SH3GL3: variants seen among roughly 807,000 people sequenced by gnomAD.
SH3GL3 encodes the protein SH3 domain containing GRB2 like 3, endophilin A3.
SH3GL3 carries 33 observed loss-of-function variants against 47.7 expected under a neutral mutation model. That is an observed-to-expected ratio of 0.69 (90% CI 0.52 to 0.92). The LOEUF is 0.92. Among genes scored for constraint, SH3GL3 ranks in the 40% least tolerant of loss-of-function variants. The pLI is 0.00. For synonymous variants in SH3GL3, 155 were observed against 148.8 expected, an observed-to-expected ratio of 1.04 and a Z score of -0.30; for missense variants, 363 against 417.8, an observed-to-expected ratio of 0.87 and a Z score of 1.14.
chr15:83,525,351 C>CGTGTGTGTGTGT (rs3078536), intron 1 of SH3GL3, among the ~76,000 whole-genome samples: 2,541 of 148,072 alleles, frequency 0.017, 34 homozygotes, highest in African/African-American at 0.02. Flanking sequence ...ATTCTTTGTG[C>CGTGTGTGTGTGT]GTGTGTGTGT....
At chr15:83,610,883 G>A (rs1456160504) in intron 8 of SH3GL3, among the ~76,000 whole-genome samples, 1 of 151,962 alleles carries the variant, frequency 6.6e-6, no homozygotes, top group Non-Finnish European at 1.5e-5. Flanking sequence ...TAGGGCTGAG[G>A]AATTGTAGGA....
chr15:83,449,339 T>G (rs1227344526), intron 1 of SH3GL3, among the ~76,000 whole-genome samples: 1 of 152,074 alleles, frequency 6.6e-6, no homozygotes, highest in Non-Finnish European at 1.5e-5. Context: ...TATTGTGGAG[T>G]GTCCTCAGCT....
At position 83,576,746 on chromosome 15, in the gene SH3GL3, G is replaced by A; in HGVS notation, c.624+5G>A. The A allele has an allele frequency of 4.5e-6, 7 of 1,572,090 alleles. No individual in the cohort carries two copies. The highest frequency in any genetic ancestry group is 2.2e-5 in the East Asian group (1 of 44,674). On this transcript the variant is annotated splice_donor_5th_base_variant and intron_variant, in intron 6 of 8. Transcript: ENST00000427482. ...TTTAACTTTTTAGAAAATGATGTAA[G>A]TATTTAAACCAAATAGGAGATTTTA...
intron 6 of SH3GL3, among the ~76,000 whole-genome samples, chr15:83,585,049 G>T (rs2059922298): frequency 6.6e-6 from 1 of 152,174 alleles, no homozygotes; most frequent in African/African-American, 2.4e-5. Flanking sequence ...CATGACCTGG[G>T]GGACAGCTGG....
At chr15:83,488,942 C>A (rs768483937) in intron 1 of SH3GL3, among the ~76,000 whole-genome samples, 4 of 152,180 alleles carry the variant, frequency 2.6e-5, no homozygotes, top group African/African-American at 4.8e-5. Context: ...TCTCCCTGAC[C>A]CAGAAGACCA....
At chr15:83,607,876 T>TA (rs1284320297) in intron 8 of SH3GL3, among the ~76,000 whole-genome samples, 4 of 139,618 alleles carry the variant, frequency 2.9e-5, no homozygotes, top group African/African-American at 8.3e-5. Context: ...ATAATAATAA[T>TA]AATACAAACA....
chr15:83,588,839 G>A (rs1596315511), intron 8 of SH3GL3, 68 bp downstream of exon 8: 2 of 830,522 alleles, frequency 2.4e-6, no homozygotes, highest in East Asian at 4.9e-5. Context: ...CTTATTTACT[G>A]CTTGTTTCTG....
At chr15:83,621,980 T>TACACACACAC (rs142805476), downstream of SH3GL3, among the ~76,000 whole-genome samples, 3 of 151,410 alleles carry the variant, frequency 2.0e-5, no homozygotes, top group African/African-American at 7.3e-5. Flanking sequence ...CAGCCAGCTA[T>TACACACACAC]ACACACACAC....
chr15:83,586,965 T>A lies in SH3GL3; in HGVS notation c.625-18T>A. 1 of 1,487,494 alleles carries A rather than the reference T, an allele frequency of 6.7e-7. No homozygotes were observed. The highest frequency in any genetic ancestry group is 9.3e-7 in the Non-Finnish European group (1 of 1,076,288). The allele number at this position is 1,487,494 out of a possible 1,614,324, so 92.1% of individuals were successfully genotyped here. On this transcript the variant is annotated intron_variant, in intron 6 of 8. Transcript: ENST00000427482. ...CAGGCTCGGGCCTCCATGGAATAAT[T>A]TTGCACTTCTGCTGCAGGTAGAACA...
chr15:83,616,545 G>A (rs556449112), intron 8 of SH3GL3, among the ~76,000 whole-genome samples: 1 of 152,226 alleles, frequency 6.6e-6, no homozygotes, highest in Non-Finnish European at 1.5e-5. Context: ...CCTGGCCACT[G>A]TGATTGCTTT....
chr15:83,591,093 C>T (rs539496297), intron 8 of SH3GL3, among the ~76,000 whole-genome samples: 12 of 152,232 alleles, frequency 7.9e-5, no homozygotes, highest in Middle Eastern at 3.4e-3. Context: ...CTGCAACCTC[C>T]GCCTCCCAGG....
chr15:83,470,167 G>A (rs751103962), intron 1 of SH3GL3, among the ~76,000 whole-genome samples: 14 of 151,940 alleles, frequency 9.2e-5, no homozygotes, highest in Non-Finnish European at 1.5e-4. Flanking sequence ...ATTAATGCTC[G>A]CATAATATAT....
chr15:83,489,450 G>T (rs2041764149), intron 1 of SH3GL3: 1 of 152,064 alleles, frequency 6.6e-6, no homozygotes, highest in Non-Finnish European at 1.5e-5. Context: ...TTTGATGGGG[G>T]TAACGACTCT....
At chr15:83,509,268 G>A (rs531401233) in intron 1 of SH3GL3, among the ~76,000 whole-genome samples, 64 of 152,336 alleles carry the variant, frequency 4.2e-4, no homozygotes, top group Middle Eastern at 3.4e-3. Context: ...CTCATCTCAC[G>A]GAGTGAGGGC....
chr15:83,493,381 A>G (rs2041953763), intron 1 of SH3GL3, among the ~76,000 whole-genome samples: 2 of 152,160 alleles, frequency 1.3e-5, no homozygotes, highest in African/African-American at 4.8e-5. Flanking sequence ...TAAAATGTTA[A>G]AGAAAACAAA....
At chr15:83,587,598 T>TA (rs1425995046) in intron 7 of SH3GL3, among the ~76,000 whole-genome samples, 3 of 151,748 alleles carry the variant, frequency 2.0e-5, no homozygotes, top group African/African-American at 7.3e-5. Flanking sequence ...TTCATAATAT[T>TA]GACTAGTATT....
intron 5 of SH3GL3, among the ~76,000 whole-genome samples, chr15:83,576,368 C>CCATT (rs899075051): frequency 3.6e-4 from 55 of 152,300 alleles, no homozygotes; most frequent in African/African-American, 1.2e-3. Flanking sequence ...ACCGATCTGT[C>CCATT]CATTCATTCA....
rs921970348 is a variant in SH3GL3, at chr15:83,571,579, G to GTT, written c.332-977_332-976dup. On this transcript the variant is annotated intron_variant, in intron 4 of 8. Transcript: ENST00000427482. ...GCAAGGTCCTCTTTAGTATCTTTCT[G>GTT]TTTTTTTTTTAAGGGAGGTGAGGCA... 3.4e-5 allele frequency among the ~76,000 whole-genome samples: 5 copies of GTT among 147,604 alleles called. No homozygotes were observed. In the East Asian group the frequency reaches 9.9e-4, roughly 29 times the overall value.
At chr15:83,619,493 G>A (rs2060903833), downstream of SH3GL3, among the ~76,000 whole-genome samples, 1 of 152,080 alleles carries the variant, frequency 6.6e-6, no homozygotes, top group South Asian at 2.1e-4. Flanking sequence ...TGGGTTGGTA[G>A]GTGCAGCAAA....
Sources: allele counts gnomAD v4.1 joint callset (sites outside exome capture counted in the v4.1 genomes callset), GRCh38; gene constraint gnomAD v4.1.1; transcripts MANE v1.5; gene names NCBI Gene and HGNC (gene_info 2026-07-23, HGNC 2026-07-21).